The following CHORDC1 variants were observed in gnomAD, a reference collection of about 807,000 sequenced individuals.
CHORDC1 encodes cysteine and histidine-rich domain-containing protein 1.
Under a neutral mutation model 48.3 loss-of-function variants are expected in CHORDC1, and 25 were observed. The observed-to-expected ratio is 0.52, with a 90% CI of 0.38 to 0.72. The LOEUF is 0.72. Ranked by LOEUF, CHORDC1 falls within the 30% of genes least tolerant of loss-of-function variation. The pLI, the probability that CHORDC1 is intolerant of heterozygous loss-of-function variation, is 0.00. For synonymous variants in CHORDC1, 128 were observed against 126.4 expected (o/e 1.01, Z -0.09); for missense variants, 317 against 388.7 (o/e 0.82, Z 1.55).
At chr11:90,214,818 T>C (rs1657034923) in intron 3 of CHORDC1, among the ~76,000 whole-genome samples, 1 of 152,072 alleles carries the variant, frequency 6.6e-6, no homozygotes, top group African/African-American at 2.4e-5. Flanking sequence ...AAAGTGGTTT[T>C]ATATAAAAGT....
chr11:90,206,105 C>G (rs1028930253), intron 7 of CHORDC1, 97 bp downstream of exon 7: 1 of 776,948 alleles, frequency 1.3e-6, no homozygotes, highest in African/African-American at 1.7e-5. Context: ...AAGTAAAATG[C>G]CTAATAACAC....
rs558648104 is a variant in CHORDC1, at chr11:90,216,264, T to C, written c.115-1034A>G. Among the ~76,000 whole-genome samples, 3 of 152,266 alleles carry C rather than the reference T, an allele frequency of 2.0e-5. No homozygotes were observed. In the South Asian group the frequency reaches 6.2e-4, roughly 32 times the overall value. On this transcript the variant is annotated intron_variant, in intron 2 of 10. Transcript: ENST00000320585. ...TGTGATACACACATGTAAAATACAATACAGGCCAGCTGTTCCCAAATGCCA... is the reference window on the plus strand; with the variant it reads ...TGTGATACACACATGTAAAATACAACACAGGCCAGCTGTTCCCAAATGCCA...
intron 9 of CHORDC1, 121 bp from the exon 10 acceptor site, chr11:90,202,996 C>T (rs1474510907): frequency 2.4e-6 from 3 of 1,242,206 alleles, no homozygotes; most frequent in East Asian, 2.6e-5. Flanking sequence ...ACTGCCAATA[C>T]TGTATTGTTT....
intron 6 of CHORDC1, 89 bp from the exon 7 acceptor site, chr11:90,206,361 C>G: frequency 2.7e-6 from 2 of 738,444 alleles, no homozygotes; most frequent in South Asian, 3.1e-5. Context: ...CCTCTACGAA[C>G]TTTGCAAAAT....
At chr11:90,218,215 C>G in intron 1 of CHORDC1, 31 bp from the exon 2 acceptor site, 1 of 1,505,440 alleles carries the variant, frequency 6.6e-7, no homozygotes, top group Non-Finnish European at 9.0e-7. Context: ...AAAAAAAGTA[C>G]CACTCTTTAT....
rs771649867 is a variant in CHORDC1, at chr11:90,215,198, A to C, written c.147T>G (p.Asp49Glu). 6.4e-7 allele frequency: 1 copy of C among 1,560,750 alleles called. No homozygotes were observed. Among genetic ancestry groups the C allele is most frequent in the Non-Finnish European group, 8.7e-7 (1 of 1,147,396 alleles). The change falls in exon 3 of 11, where the codon GAT becomes GAG. Residue 49 changes from aspartate to glutamate, a missense_variant. By Grantham distance (45) the Asp-to-Glu change is conservative. Coordinates refer to ENST00000320585, the MANE Select transcript of CHORDC1 (RefSeq NM_012124.3). ...GWSCCKRRTT[D>E]FSDFLSIVGC... The stretch of plus-strand genomic sequence containing the variant: ...CTACAATGCTTAAGAAATCAGAAAA[A>C]TCAGTTGTTCTTCTCTTACAGCAAG...
chr11:90,207,950 C>T (rs1195201350), intron 6 of CHORDC1: 1 of 151,882 alleles, frequency 6.6e-6, no homozygotes, highest in Non-Finnish European at 1.5e-5. Flanking sequence ...ATCTCAAATG[C>T]TCCAAAAATC....
At chr11:90,206,409 T>C (rs1439913121) in intron 6 of CHORDC1, 137 bp from the exon 7 acceptor site, 29 of 593,990 alleles carry the variant, frequency 4.9e-5, no homozygotes, top group Non-Finnish European at 8.8e-5. Flanking sequence ...CATAAATCCA[T>C]CCCACGCCAT....
At chr11:90,222,705 G>A (rs1191140190) in intron 1 of CHORDC1, 186 bp downstream of exon 1, 1 of 711,346 alleles carries the variant, frequency 1.4e-6, no homozygotes, top group South Asian at 1.5e-5. Flanking sequence ...CGCTCGCCAA[G>A]GGAACGCGGC....
In CHORDC1 at chr11:90,202,342, C is replaced by T; in HGVS notation, c.*63G>A. On this transcript the variant is annotated 3_prime_UTR_variant, in exon 11 of 11. Transcript: ENST00000320585. ...CAAAACAAAAGATTACAGCAGCAAG[C>T]CACCACTTCACACAGTATTAAAAAT... The T allele has an allele frequency of 6.9e-7, 1 of 1,454,368 alleles. No individual in the cohort carries two copies. Among genetic ancestry groups the T allele is most frequent in the Non-Finnish European group, 9.5e-7 (1 of 1,049,658 alleles). The allele number at this position is 1,454,368 out of a possible 1,614,324, so 90.1% of individuals were successfully genotyped here.
intron 3 of CHORDC1, among the ~76,000 whole-genome samples, chr11:90,214,549 T>C (rs200746277): frequency 2.0e-5 from 1 of 50,768 alleles, no homozygotes; most frequent in African/African-American, 5.1e-5. Flanking sequence ...ACTTATTAGT[T>C]ATATGACCTT....
intron 1 of CHORDC1, among the ~76,000 whole-genome samples, chr11:90,220,696 T>C (rs1295906255): frequency 6.6e-6 from 1 of 152,184 alleles, no homozygotes; most frequent in Non-Finnish European, 1.5e-5. Flanking sequence ...CTTTCTTTAA[T>C]ATCCATCCTT....
In CHORDC1 at chr11:90,202,177, T is replaced by C. The variant is rs1379793617; in HGVS notation, c.*228A>G. ...CCTCTTCAAGTATAGGACACAACTA[T>C]GGTTCCTACCAGTAGGGAGAAATGA... On this transcript the variant is annotated 3_prime_UTR_variant, in exon 11 of 11. Transcript: ENST00000320585. The C allele has an allele frequency of 4.0e-6, 2 of 494,598 alleles. No individual in the cohort carries two copies. The highest frequency in any genetic ancestry group is 2.0e-5 in the African/African-American group (1 of 50,462). 30.6% of individuals were successfully genotyped at this position (494,598 alleles called of 1,614,324 possible). A position where few individuals can be genotyped will look rare whatever the true frequency, so the allele number is the denominator to read the frequency against.
At position 90,217,834 on chromosome 11, in the gene CHORDC1, T is replaced by C. The variant is rs559737605; in HGVS notation, c.114+301A>G. ...ATCGCTTGAACCCAGGAGGCGGACG[T>C]TGCAGTGAGCTGAGATCGCACCACT... On this transcript the variant is annotated intron_variant, in intron 2 of 10. Transcript: ENST00000320585. The C allele has an allele frequency of 4.6e-5, 8 of 172,878 alleles. No individual in the cohort carries two copies. The East Asian group carries it at 1.2e-3, about 25-fold the overall frequency. 10.7% of individuals were successfully genotyped at this position (172,878 alleles called of 1,614,324 possible).
intron 6 of CHORDC1, among the ~76,000 whole-genome samples, chr11:90,209,893 C>G (rs1857812189): frequency 6.6e-6 from 1 of 152,178 alleles, no homozygotes; most frequent in African/African-American, 2.4e-5. Flanking sequence ...AATAGCTTCT[C>G]CTAATACTTA....
At chr11:90,222,853 G>A (rs761836721) in intron 1 of CHORDC1, 38 bp downstream of exon 1, 16 of 1,580,342 alleles carry the variant, frequency 1.0e-5, no homozygotes, top group Admixed American at 3.4e-5. Context: ...TGCTGATGAG[G>A]TGGAGGGGAG....
chr11:90,209,063 T>C (rs1420143491), intron 6 of CHORDC1: 1 of 152,208 alleles, frequency 6.6e-6, no homozygotes, highest in African/African-American at 2.4e-5. Context: ...ACACATCTGA[T>C]ACCTTCTCCT....
intron 9 of CHORDC1, 44 bp downstream of exon 9, chr11:90,203,264 T>G: frequency 6.7e-7 from 1 of 1,499,552 alleles, no homozygotes. Context: ...TAAAGAATGA[T>G]GTATAGAAAA....
At chr11:90,218,957 TAAA>T (rs67038713) in intron 1 of CHORDC1, among the ~76,000 whole-genome samples, 97 of 145,446 alleles carry the variant, frequency 6.7e-4, no homozygotes, top group East Asian at 4.0e-3. Flanking sequence ...ACTTTTTAAT[TAAA>T]AAAAAAAAAA....
Sources: gnomAD v4.1 joint callset for allele counts (sites outside exome capture counted in the v4.1 genomes callset) on GRCh38, gnomAD v4.1.1 for gene constraint, MANE v1.5 for transcripts, NCBI Gene and HGNC (gene_info 2026-07-23, HGNC 2026-07-21) for gene names.